Variants in DCBLD2 observed in about 807,000 individuals in gnomAD.
DCBLD2 encodes discoidin, CUB and LCCL domain-containing protein 2.
A neutral mutation model predicts 86.8 loss-of-function variants in DCBLD2; 54 were observed. The observed-to-expected ratio is 0.62, with a 90% CI of 0.50 to 0.78. The LOEUF is 0.78. DCBLD2 is among the 30% of genes least tolerant of loss of function. DCBLD2 has a pLI of 0.00. For synonymous variants in DCBLD2, 354 were observed against 341.3 expected, an observed-to-expected ratio of 1.04 and a Z score of -0.41; for missense variants, 908 against 954.2, an observed-to-expected ratio of 0.95 and a Z score of 0.64.
At chr3:98,876,746 A>G (rs961452554) in intron 2 of DCBLD2, among the ~76,000 whole-genome samples, 2 of 152,226 alleles carry the variant, frequency 1.3e-5, no homozygotes, top group Admixed American at 6.5e-5. Context: ...ACTGTAAAAT[A>G]TTGAAAGCAA....
intron 2 of DCBLD2, among the ~76,000 whole-genome samples, chr3:98,860,977 C>A (rs1010419880): frequency 6.6e-6 from 1 of 152,136 alleles, no homozygotes; most frequent in Non-Finnish European, 1.5e-5. Context: ...ATTCAGGAGA[C>A]CCATCTCACA....
chr3:98,799,186 C>G lies in DCBLD2; in HGVS notation c.*186G>C. On this transcript the variant is annotated 3_prime_UTR_variant, in exon 16 of 16. Coordinates refer to ENST00000326840, the MANE Select transcript of DCBLD2 (RefSeq NM_080927.4). ...TTGAAATTTAACAGGCGAGCAGTAA[C>G]TGTGCCACCATAACACCTTAAAGCA... The G allele has an allele frequency of 1.7e-6, 1 of 590,096 alleles. No homozygotes were observed. The highest frequency in any genetic ancestry group is 3.0e-5 in the East Asian group (1 of 33,852). The allele number at this position is 590,096 out of a possible 1,614,324, so 36.6% of individuals were successfully genotyped here. A position where few individuals can be genotyped will look rare whatever the true frequency, so the allele number is the denominator to read the frequency against.
chr3:98,870,831 G>C (rs1232512613), intron 2 of DCBLD2, among the ~76,000 whole-genome samples: 1 of 116,748 alleles, frequency 8.6e-6, no homozygotes, highest in Non-Finnish European at 1.9e-5. Context: ...GGCATTGGTG[G>C]TATTTTGATA....
At position 98,901,212 on chromosome 3, in the gene DCBLD2, A is replaced by G; in HGVS notation, c.115T>C (p.Cys39Arg). 6.5e-7 allele frequency: 1 copy of G among 1,534,850 alleles called. No homozygotes were observed. Among genetic ancestry groups the G allele is most frequent in the Admixed American group, 2.0e-5 (1 of 51,018 alleles). Residue 39 changes from cysteine to arginine, a missense_variant, in exon 1 of 16, where the codon TGC becomes CGC. By Grantham distance (180) the Cys-to-Arg change is radical. Around this residue, in one of 3 missense-constraint regions of DCBLD2, gnomAD observed 294 missense variants for 256.0 expected, o/e 1.15. Transcript: ENST00000326840. The part of the protein sequence containing the change: ...ALPLSRSLPP[C>R]SNSSSFSMPL... ...ATGGAGAAGGAGGAGGAGTTGGAGC[A>G]GGGAGGGAGGGAGCGGGAGAGGGGG...
intron 3 of DCBLD2, among the ~76,000 whole-genome samples, chr3:98,834,785 T>C (rs538853689): frequency 4.3e-4 from 66 of 152,354 alleles, no homozygotes; most frequent in African/African-American, 1.5e-3. Context: ...TTTCCATATA[T>C]TGAAACTTAT....
At chr3:98,846,542 A>T (rs1456085647) in intron 3 of DCBLD2, among the ~76,000 whole-genome samples, 2 of 152,238 alleles carry the variant, frequency 1.3e-5, no homozygotes, top group Non-Finnish European at 2.9e-5. Context: ...TCTAGTTCAG[A>T]TAAAACAAAT....
chr3:98,821,816 G>A (rs1453512647), intron 6 of DCBLD2, among the ~76,000 whole-genome samples: 1 of 152,132 alleles, frequency 6.6e-6, no homozygotes, highest in Non-Finnish European at 1.5e-5. Context: ...CGGTGGCCGA[G>A]GCGGGTGGAT....
intron 4 of DCBLD2, among the ~76,000 whole-genome samples, chr3:98,822,965 TG>T (rs1360371911): frequency 6.6e-6 from 1 of 152,204 alleles, no homozygotes; most frequent in Non-Finnish European, 1.5e-5. Flanking sequence ...ATCTGTCTCC[TG>T]GGTCTCAGAG....
At chr3:98,856,225 T>A (rs1431063926) in intron 2 of DCBLD2, among the ~76,000 whole-genome samples, 1 of 152,106 alleles carries the variant, frequency 6.6e-6, no homozygotes, top group Non-Finnish European at 1.5e-5. Context: ...GGAGAGTAAG[T>A]TCCCTCCAGT....
At chr3:98,862,424 A>G (rs1268076559) in intron 2 of DCBLD2, among the ~76,000 whole-genome samples, 4 of 152,200 alleles carry the variant, frequency 2.6e-5, no homozygotes, top group African/African-American at 4.8e-5. Context: ...AAAAAAAGAG[A>G]ATTTTAGACC....
chr3:98,850,713 T>C (rs1299813947), intron 2 of DCBLD2, among the ~76,000 whole-genome samples: 1 of 152,180 alleles, frequency 6.6e-6, no homozygotes, highest in African/African-American at 2.4e-5. Flanking sequence ...TGATACTTTA[T>C]CTTATGAGTA....
chr3:98,887,221 A>G (rs1478279364), intron 1 of DCBLD2, among the ~76,000 whole-genome samples: 1 of 151,710 alleles, frequency 6.6e-6, no homozygotes, highest in Non-Finnish European at 1.5e-5. Flanking sequence ...GAGTCTGACT[A>G]TACTTGCTCT....
rs138917613 is a variant in DCBLD2, at chr3:98,857,062, C to T, written c.434-7464G>A. Among the ~76,000 whole-genome samples the T allele has an allele frequency of 2.5e-3, 378 of 152,282 alleles. 7 individuals carry two copies. Among genetic ancestry groups the T allele is most frequent in the African/African-American group, 8.9e-3 (368 of 41,570 alleles). On this transcript the variant is annotated intron_variant, in intron 2 of 15. Transcript: ENST00000326840. Reference sequence around the variant, plus strand: ...GTGGCATGTCCGGAGTTTGTTCTTTCTGATGTTCGGATGTGTTTGGAGTTT... The same window carrying T: ...GTGGCATGTCCGGAGTTTGTTCTTTTTGATGTTCGGATGTGTTTGGAGTTT...
chr3:98,901,144 G>T lies in DCBLD2; in HGVS notation c.183C>A (p.Leu61=). 6.5e-7 allele frequency: 1 copy of T among 1,539,216 alleles called. No homozygotes were observed. Among genetic ancestry groups the T allele is most frequent in the Non-Finnish European group, 8.7e-7 (1 of 1,146,800 alleles). The change falls in exon 1 of 16, where the codon CTC becomes CTA. Residue 61 remains leucine, a synonymous_variant. Transcript: ENST00000326840. ...CACCTTGCTGGGCTCCAGCGTCCTCGAGCAGCAGGAGCAGGACAAGTAAGA... is the reference window on the plus strand; with the variant it reads ...CACCTTGCTGGGCTCCAGCGTCCTCTAGCAGCAGGAGCAGGACAAGTAAGA... ...LLLLLVLLLL[L]EDAGAQQGDG...
chr3:98,860,867 C>A (rs904460604), intron 2 of DCBLD2, among the ~76,000 whole-genome samples: 2 of 152,170 alleles, frequency 1.3e-5, no homozygotes, highest in African/African-American at 4.8e-5. Context: ...CAAATTCACA[C>A]ATAACAATAT....
chr3:98,833,320 C>A (rs1256613447), intron 3 of DCBLD2, among the ~76,000 whole-genome samples: 1 of 152,122 alleles, frequency 6.6e-6, no homozygotes, highest in African/African-American at 2.4e-5. Flanking sequence ...ATTTTATCTG[C>A]CAGCTCCTGT....
At chr3:98,894,588 A>ATT (rs1943718305) in intron 1 of DCBLD2, among the ~76,000 whole-genome samples, 1 of 152,104 alleles carries the variant, frequency 6.6e-6, no homozygotes, top group South Asian at 2.1e-4. Flanking sequence ...GCAGCAAAGG[A>ATT]GTCTTCCTCC....
At chr3:98,814,972 G>A (rs1291233744) in intron 9 of DCBLD2, 1 of 152,234 alleles carries the variant, frequency 6.6e-6, no homozygotes, top group African/African-American at 2.4e-5. Context: ...CCAGGCCACA[G>A]TGCAGGGAGA....
In DCBLD2 at chr3:98,823,799, C is replaced by A. The variant is rs141550204; in HGVS notation, c.624-1058G>T. ...CTAGTGTTGTCCTCATTTTAGGAAACAGGGAAATTAAGGAACTGTATGCCC... is the reference window on the plus strand; with the variant it reads ...CTAGTGTTGTCCTCATTTTAGGAAAAAGGGAAATTAAGGAACTGTATGCCC... On this transcript the variant is annotated intron_variant, in intron 4 of 15. Transcript: ENST00000326840. 6.8e-3 allele frequency among the ~76,000 whole-genome samples: 1,028 copies of A among 152,222 alleles called. 39 individuals are homozygous for A. The highest frequency in any genetic ancestry group is 0.057 in the Admixed American group (877 of 15,294).
Sources: allele counts gnomAD v4.1 joint callset (sites outside exome capture counted in the v4.1 genomes callset), GRCh38; gene constraint gnomAD v4.1.1; regional missense constraint gnomAD v4.1.1; transcripts MANE v1.5; gene names NCBI Gene and HGNC (gene_info 2026-07-23, HGNC 2026-07-21).